The following ATP8A2 variants were observed in gnomAD, a reference collection of about 807,000 sequenced individuals.
ATP8A2 encodes the protein ATPase phospholipid transporting 8A2.
In ATP8A2, 100 loss-of-function variants were observed where a neutral mutation model predicts 165.6. The ratio of observed to expected loss-of-function variants is 0.60; its 90% CI spans 0.51 to 0.71. The LOEUF is 0.71. ATP8A2 is among the 30% of genes least tolerant of loss of function. The pLI is 0.00. For synonymous variants in ATP8A2, 543 were observed against 548.8 expected, an observed-to-expected ratio of 0.99 and a Z score of 0.15; for missense variants, 1,227 against 1,479.5, an observed-to-expected ratio of 0.83 and a Z score of 2.80.
At chr13:25,482,127 A>C (rs929505678) in intron 2 of ATP8A2, among the ~76,000 whole-genome samples, 1 of 152,112 alleles carries the variant, frequency 6.6e-6, no homozygotes, top group Non-Finnish European at 1.5e-5. Context: ...GGTATATATA[A>C]ATATAAGCTC....
intron 33 of ATP8A2, among the ~76,000 whole-genome samples, chr13:25,933,307 T>G (rs1385443321): frequency 2.0e-5 from 3 of 152,206 alleles, no homozygotes; most frequent in Non-Finnish European, 4.4e-5. Context: ...TCCCTGATGG[T>G]TTTGGCTATG....
intron 27 of ATP8A2, among the ~76,000 whole-genome samples, chr13:25,804,659 G>A (rs1425163493): frequency 6.6e-6 from 1 of 152,120 alleles, no homozygotes; most frequent in African/African-American, 2.4e-5. Flanking sequence ...TTAAGACAGA[G>A]CTTCCTTTGG....
At chr13:25,578,295 C>T (rs2039674154) in intron 20 of ATP8A2, among the ~76,000 whole-genome samples, 1 of 152,166 alleles carries the variant, frequency 6.6e-6, no homozygotes, top group Non-Finnish European at 1.5e-5. Context: ...GGGATCTGGT[C>T]CCCCAACCCT....
intron 25 of ATP8A2, among the ~76,000 whole-genome samples, chr13:25,722,167 G>A (rs529725844): frequency 6.6e-6 from 1 of 152,302 alleles, no homozygotes; most frequent in South Asian, 2.1e-4. Flanking sequence ...AGCCATCCTA[G>A]TGGGTATGCA....
chr13:25,398,434 T>G (rs2033505503), intron 1 of ATP8A2, among the ~76,000 whole-genome samples: 1 of 152,222 alleles, frequency 6.6e-6, no homozygotes, highest in Non-Finnish European at 1.5e-5. Context: ...TCAGTACTTC[T>G]TGGAATCCCC....
chr13:25,384,706 A>G (rs2032976556), intron 1 of ATP8A2, among the ~76,000 whole-genome samples: 1 of 152,098 alleles, frequency 6.6e-6, no homozygotes, highest in African/African-American at 2.4e-5. Flanking sequence ...TCATGTATTG[A>G]ATATGCACCC....
intron 33 of ATP8A2, among the ~76,000 whole-genome samples, chr13:25,897,310 A>G (rs1027728776): frequency 1.3e-5 from 2 of 152,198 alleles, no homozygotes; most frequent in Admixed American, 1.3e-4. Flanking sequence ...TTGGCTGGAT[A>G]TGAAATTCTG....
chr13:25,519,761 G>A (rs573058309), intron 2 of ATP8A2, among the ~76,000 whole-genome samples: 75 of 152,232 alleles, frequency 4.9e-4, no homozygotes, highest in African/African-American at 1.4e-3. Flanking sequence ...TTCGTCACAC[G>A]AGTGGGAATG....
intron 33 of ATP8A2, among the ~76,000 whole-genome samples, chr13:25,902,938 T>TTCACACACACACAC: frequency 1.1e-5 from 1 of 88,300 alleles, no homozygotes; most frequent in East Asian, 2.9e-4. Context: ...ATCCTCAGCA[T>TTCACACACACACAC]GCACACACAC....
At chr13:25,732,454 C>A (rs1228006578) in intron 25 of ATP8A2, among the ~76,000 whole-genome samples, 1 of 152,140 alleles carries the variant, frequency 6.6e-6, no homozygotes, top group Admixed American at 6.5e-5. Context: ...TTCTGAAATT[C>A]TATGTATTAT....
intron 1 of ATP8A2, among the ~76,000 whole-genome samples, chr13:25,404,922 C>G (rs2033752482): frequency 6.6e-6 from 1 of 151,990 alleles, no homozygotes; most frequent in African/African-American, 2.4e-5. Context: ...TTCGGTGAAA[C>G]CTCAACATCT....
chr13:25,810,049 CA>C (rs1566161237), intron 27 of ATP8A2, among the ~76,000 whole-genome samples: 1 of 152,158 alleles, frequency 6.6e-6, no homozygotes, highest in Non-Finnish European at 1.5e-5. Flanking sequence ...GCATCAGTTC[CA>C]TTTGTTTTTG....
chr13:25,747,097 T>A (rs559491002), intron 25 of ATP8A2, among the ~76,000 whole-genome samples: 2 of 152,278 alleles, frequency 1.3e-5, no homozygotes, highest in South Asian at 4.2e-4. Flanking sequence ...TAAGGGAGGG[T>A]GTCACTGTCT....
intron 1 of ATP8A2, among the ~76,000 whole-genome samples, chr13:25,410,423 C>A (rs2033933857): frequency 6.6e-6 from 1 of 152,226 alleles, no homozygotes; most frequent in Admixed American, 6.5e-5. Context: ...TACATACCTG[C>A]TTCTCCCACT....
chr13:25,793,212 T>C (rs1455695765), intron 27 of ATP8A2, among the ~76,000 whole-genome samples: 2 of 152,196 alleles, frequency 1.3e-5, no homozygotes, highest in African/African-American at 4.8e-5. Context: ...ACTGTCTTCG[T>C]TGCCTGCATA....
chr13:25,614,094 GT>G (rs2040760837), intron 24 of ATP8A2, among the ~76,000 whole-genome samples: 2 of 152,170 alleles, frequency 1.3e-5, no homozygotes, highest in Non-Finnish European at 2.9e-5. Flanking sequence ...AGCCGGAGAA[GT>G]TTTCCTCAAT....
chr13:25,684,111 G>T (rs183567153), intron 24 of ATP8A2, among the ~76,000 whole-genome samples: 1 of 152,118 alleles, frequency 6.6e-6, no homozygotes, highest in East Asian at 1.9e-4. Flanking sequence ...AAAGGCTTCC[G>T]CCCAGGATAA....
At chr13:25,688,869 CGT>C (rs1566049224) in intron 24 of ATP8A2, among the ~76,000 whole-genome samples, 1 of 150,494 alleles carries the variant, frequency 6.6e-6, no homozygotes, top group Admixed American at 6.7e-5. Flanking sequence ...CTCCCATTTT[CGT>C]CCTATGGCTA....
intron 35 of ATP8A2, among the ~76,000 whole-genome samples, chr13:26,008,325 A>T (rs1315284667): frequency 6.6e-6 from 1 of 152,196 alleles, no homozygotes; most frequent in Non-Finnish European, 1.5e-5. Context: ...GTGGATTTGG[A>T]AGAAAAATAA....
Sources: gnomAD v4.1 joint callset for allele counts (sites outside exome capture counted in the v4.1 genomes callset) on GRCh38, gnomAD v4.1.1 for gene constraint, MANE v1.5 for transcripts, NCBI Gene and HGNC (gene_info 2026-07-23, HGNC 2026-07-21) for gene names.